The following TSPAN9 variants were observed in gnomAD, a reference collection of about 807,000 sequenced individuals.
TSPAN9 encodes tetraspanin-9.
TSPAN9 carries 16 observed loss-of-function variants against 31.0 expected under a neutral mutation model. That is an observed-to-expected ratio of 0.52 (90% CI 0.35 to 0.78). The LOEUF is 0.78. Among genes scored for constraint, TSPAN9 ranks in the 30% least tolerant of loss-of-function variants. The pLI is 0.01. For missense variants in TSPAN9, 272 were observed against 312.5 expected, an observed-to-expected ratio of 0.87 and a Z score of 0.98; for synonymous variants, 145 against 121.6, an observed-to-expected ratio of 1.19 and a Z score of -1.27.
At chr12:3,182,144 G>A (rs745788823) in intron 2 of TSPAN9, among the ~76,000 whole-genome samples, 51 of 152,074 alleles carry the variant, frequency 3.4e-4, no homozygotes, top group Non-Finnish European at 5.7e-4. Context: ...CTCCTGTGGG[G>A]CGCTACCAAC....
At chr12:3,104,288 CT>C (rs2098313186) in intron 2 of TSPAN9, among the ~76,000 whole-genome samples, 2 of 151,680 alleles carry the variant, frequency 1.3e-5, no homozygotes, top group Non-Finnish European at 2.9e-5. Context: ...AAAAGGATTG[CT>C]GTGGCTGCTC....
At position 3,279,010 on chromosome 12, in the gene TSPAN9, G is replaced by A. The variant is rs1036223209; in HGVS notation, c.274G>A (p.Val92Ile). Residue 92 changes from valine to isoleucine, a missense_variant, in exon 5 of 9, where the codon GTC becomes ATC. Val to Ile is a conservative substitution (Grantham distance 29). Coordinates refer to ENST00000011898, the MANE Select transcript of TSPAN9 (RefSeq NM_006675.5). Reference sequence around the variant, plus strand: ...TTTCCAGTTTTTCATCGTCCTGTTGGTCATCCTCCTAGCAGAGCTGATCTT... The same window carrying A: ...TTTCCAGTTTTTCATCGTCCTGTTGATCATCCTCCTAGCAGAGCTGATCTT... ...LLLSFFIVLL[V>I]ILLAELILLI... is the part of the protein sequence containing the mutation. 13 of 1,613,994 alleles carry A rather than the reference G, an allele frequency of 8.1e-6. No homozygotes were observed. Among genetic ancestry groups the A allele is most frequent in the East Asian group, 4.5e-5 (2 of 44,880 alleles).
At chr12:3,167,312 A>T (rs956560017) in intron 2 of TSPAN9, among the ~76,000 whole-genome samples, 29 of 152,154 alleles carry the variant, frequency 1.9e-4, no homozygotes, top group African/African-American at 7.0e-4. Context: ...TTGAACATAG[A>T]TGGAGGTTTT....
intron 2 of TSPAN9, among the ~76,000 whole-genome samples, chr12:3,177,711 G>T (rs911526318): frequency 2.4e-4 from 36 of 152,278 alleles, no homozygotes; most frequent in African/African-American, 8.4e-4. Flanking sequence ...GGGATTACAG[G>T]TGTGAGCAAC....
chr12:3,205,725 C>CA (rs1555151730), intron 3 of TSPAN9, among the ~76,000 whole-genome samples: 3 of 102,198 alleles, frequency 2.9e-5, no homozygotes, highest in Non-Finnish European at 4.6e-5. Flanking sequence ...TAGGCCCCCC[C>CA]CCCCCAGAGT....
chr12:3,108,042 C>T (rs1238189634), intron 2 of TSPAN9, among the ~76,000 whole-genome samples: 2 of 152,144 alleles, frequency 1.3e-5, no homozygotes, highest in Non-Finnish European at 2.9e-5. Flanking sequence ...CACCTCCCTC[C>T]ACTAACTAAG....
chr12:3,243,280 T>C (rs892384788), intron 3 of TSPAN9, among the ~76,000 whole-genome samples: 5 of 152,120 alleles, frequency 3.3e-5, no homozygotes, highest in Admixed American at 2.6e-4. Flanking sequence ...TCGCAGCCAC[T>C]GTATGTGGAG....
At chr12:3,123,892 G>A in intron 2 of TSPAN9, among the ~76,000 whole-genome samples, 1 of 152,182 alleles carries the variant, frequency 6.6e-6, no homozygotes. Context: ...AATAGTTTGA[G>A]AACTGTTGAT....
intron 2 of TSPAN9, among the ~76,000 whole-genome samples, chr12:3,111,890 G>A (rs2098318969): frequency 6.6e-6 from 1 of 152,138 alleles, no homozygotes; most frequent in Non-Finnish European, 1.5e-5. Context: ...GGGATTACCG[G>A]CTTCAGCCAC....
At chr12:3,233,188 A>C (rs1029423513) in intron 3 of TSPAN9, among the ~76,000 whole-genome samples, 5 of 152,206 alleles carry the variant, frequency 3.3e-5, no homozygotes, top group African/African-American at 1.2e-4. Context: ...CTTCAGCTTG[A>C]AGCTACCAAA....
chr12:3,088,049 T>C (rs1270373953), intron 2 of TSPAN9, among the ~76,000 whole-genome samples: 2 of 152,230 alleles, frequency 1.3e-5, no homozygotes, highest in Non-Finnish European at 2.9e-5. Context: ...GGCCAGGCTC[T>C]ACAGGAGGGC....
chr12:3,281,127 AGGGGAAGGCCCTGGG>A (rs1862884345), intron 6 of TSPAN9, 56 bp from the exon 7 acceptor site: 6 of 1,539,832 alleles, frequency 3.9e-6, no homozygotes, highest in Non-Finnish European at 4.4e-6. Flanking sequence ...TGGCCTGGGC[AGGGGAAGGCCCTGGG>A]GAGGAAGGGG....
intron 2 of TSPAN9, among the ~76,000 whole-genome samples, chr12:3,119,318 C>CG (rs1330256494): frequency 7.2e-5 from 11 of 152,220 alleles, no homozygotes; most frequent in African/African-American, 1.2e-4. Flanking sequence ...AAACAAGGCT[C>CG]GGGGGGTTCA....
intron 2 of TSPAN9, among the ~76,000 whole-genome samples, chr12:3,160,365 T>C (rs916756249): frequency 6.6e-6 from 1 of 152,254 alleles, no homozygotes; most frequent in Non-Finnish European, 1.5e-5. Flanking sequence ...ATATTTGGGT[T>C]GTTTCAGTTT....
rs538378751 is a variant in TSPAN9, at chr12:3,109,213, G to A, written c.-18+25494G>A. On this transcript the variant is annotated intron_variant, in intron 2 of 8. Coordinates refer to ENST00000011898, the MANE Select transcript of TSPAN9 (RefSeq NM_006675.5). ...GGCCTCCCAGAGTGCTGGGATTACA[G>A]GTGTGAGCCACCGCTCCTGGCCAGG... 2.7e-3 allele frequency among the ~76,000 whole-genome samples: 404 copies of A among 150,962 alleles called. 1 individual carries two copies. The highest frequency in any genetic ancestry group is 8.5e-3 in the Admixed American group (129 of 15,160).
At chr12:3,195,832 G>C (rs142828152) in intron 2 of TSPAN9, among the ~76,000 whole-genome samples, 1 of 152,280 alleles carries the variant, frequency 6.6e-6, no homozygotes, top group Non-Finnish European at 1.5e-5. Context: ...AGTCAGGCCT[G>C]TCCCCTCCCT....
intron 2 of TSPAN9, among the ~76,000 whole-genome samples, chr12:3,129,940 C>A (rs533187389): frequency 1.9e-4 from 29 of 152,298 alleles, no homozygotes; most frequent in African/African-American, 6.5e-4. Flanking sequence ...TCTGTGCATT[C>A]AGATATCAGG....
chr12:3,243,056 T>G (rs943491957), intron 3 of TSPAN9, among the ~76,000 whole-genome samples: 3 of 152,136 alleles, frequency 2.0e-5, no homozygotes, highest in African/African-American at 7.2e-5. Flanking sequence ...GATGGTACAT[T>G]TGGAGGGATG....
At chr12:3,175,846 A>T (rs1431889016) in intron 2 of TSPAN9, among the ~76,000 whole-genome samples, 2 of 152,194 alleles carry the variant, frequency 1.3e-5, no homozygotes, top group Non-Finnish European at 2.9e-5. Context: ...CTGGAATCAA[A>T]CAGGGAGGTG....
Sources: allele counts gnomAD v4.1 joint callset (sites outside exome capture counted in the v4.1 genomes callset), GRCh38; gene constraint gnomAD v4.1.1; transcripts MANE v1.5; gene names NCBI Gene and HGNC (gene_info 2026-07-23, HGNC 2026-07-21).